Variants in BMPR1A observed in about 807,000 individuals in gnomAD.
The protein encoded by BMPR1A is bone morphogenetic protein receptor type-1A.
In BMPR1A, 7 loss-of-function variants were observed where a neutral mutation model predicts 66.0. That is an observed-to-expected ratio of 0.11 (90% CI 0.06 to 0.20). BMPR1A has a LOEUF of 0.20. BMPR1A is among the 10% of genes least tolerant of loss of function. The pLI, the probability that BMPR1A is intolerant of heterozygous loss-of-function variation, is 1.00. For synonymous variants in BMPR1A, 200 were observed against 229.7 expected (o/e 0.87, Z 1.17); for missense variants, 408 against 669.1 (o/e 0.61, Z 4.31).
chr10:86,875,372 C>T (rs1842908220), intron 2 of BMPR1A, among the ~76,000 whole-genome samples: 1 of 151,726 alleles, frequency 6.6e-6, no homozygotes, highest in South Asian at 2.1e-4. Context: ...AACTCTGTCT[C>T]AAATAAAATA....
Position 86,921,576 on chromosome 10 carries a change from T to C in BMPR1A, c.1223T>C (p.Met408Thr). 1 of 1,614,172 alleles carries C rather than the reference T, an allele frequency of 6.2e-7. No individual in the cohort carries two copies. Among genetic ancestry groups the C allele is most frequent in the Non-Finnish European group, 8.5e-7 (1 of 1,180,020 alleles). ...ACCAGGGTGGGCACCAAACGCTACA[T>C]GGCTCCCGAAGTGCTGGACGAAAGC... ...LNTRVGTKRY[M>T]APEVLDESLN... Residue 408 changes from methionine to threonine, a missense_variant, in exon 11 of 13, where the codon ATG (methionine) becomes ACG (threonine). Coordinates refer to ENST00000372037, the MANE Select transcript of BMPR1A (RefSeq NM_004329.3).
At position 86,919,256 on chromosome 10, in the gene BMPR1A, A is replaced by C. The variant is rs587778111; in HGVS notation, c.953A>C (p.Tyr318Ser). ...GATTACCATGAAAATGGATCTCTCT[A>C]TGACTTCCTGAAATGTGCTACACTG... The part of the protein sequence containing the change: ...ITDYHENGSL[Y>S]DFLKCATLDT... The change falls in exon 10 of 13, where the codon TAT becomes TCT. Residue 318 changes from tyrosine (Y) to serine (S), a missense_variant. Transcript: ENST00000372037. The C allele has an allele frequency of 7.4e-6, 12 of 1,613,818 alleles. No individual in the cohort carries two copies. Among genetic ancestry groups the C allele is most frequent in the East Asian group, 2.2e-5 (1 of 44,896 alleles).
intron 3 of BMPR1A, among the ~76,000 whole-genome samples, chr10:86,888,476 A>G (rs1843100593): frequency 2.6e-5 from 4 of 152,142 alleles, no homozygotes; most frequent in Admixed American, 2.6e-4. Context: ...TCAAATAAAA[A>G]TGTTCTCTAT....
rs2133594465 is a variant in BMPR1A at position 86,919,477 on chromosome 10, G to C, written c.1166+8G>C. On this transcript the variant is annotated splice_region_variant and intron_variant, in intron 10 of 12. Transcript: ENST00000372037. ...TGCTGTTAAATTCAACAGGTGAGTG[G>C]TTCTTTGCCCCACTGTTTTGAAATT... is the stretch of plus-strand genomic sequence containing the variant. 2 of 1,613,194 alleles carry C rather than the reference G, an allele frequency of 1.2e-6. No individual in the cohort carries two copies. The highest frequency in any genetic ancestry group is 1.7e-6 in the Non-Finnish European group (2 of 1,179,694).
intron 2 of BMPR1A, among the ~76,000 whole-genome samples, chr10:86,858,114 A>G (rs971697753): frequency 3.3e-5 from 5 of 152,074 alleles, no homozygotes; most frequent in Non-Finnish European, 5.9e-5. Flanking sequence ...AATTAGTATT[A>G]ATTTATTAAT....
chr10:86,823,495 T>C (rs995150461), intron 1 of BMPR1A, among the ~76,000 whole-genome samples: 1 of 152,234 alleles, frequency 6.6e-6, no homozygotes, highest in African/African-American at 2.4e-5. Context: ...CTCTTTCTTA[T>C]CTTTATGTTC....
At chr10:86,811,495 A>G (rs951188287) in intron 1 of BMPR1A, among the ~76,000 whole-genome samples, 5 of 152,100 alleles carry the variant, frequency 3.3e-5, no homozygotes, top group African/African-American at 1.2e-4. Flanking sequence ...AATTTTGCCT[A>G]TTTGACCTGT....
At chr10:86,916,425 C>T (rs1355002061) in intron 8 of BMPR1A, among the ~76,000 whole-genome samples, 2 of 152,180 alleles carry the variant, frequency 1.3e-5, no homozygotes. Context: ...TTCATGCTGC[C>T]ATTATTTTTT....
At chr10:86,787,383 T>C (rs1346880722) in intron 1 of BMPR1A, among the ~76,000 whole-genome samples, 8 of 152,194 alleles carry the variant, frequency 5.3e-5, no homozygotes, top group Admixed American at 5.2e-4. Flanking sequence ...GTATGAAATA[T>C]ATGACCAAAC....
chr10:86,790,936 G>A (rs1453295473), intron 1 of BMPR1A, among the ~76,000 whole-genome samples: 3 of 152,146 alleles, frequency 2.0e-5, no homozygotes, highest in Non-Finnish European at 4.4e-5. Context: ...CCAAATATTG[G>A]TTTTAGTGTT....
At chr10:86,923,199 G>A (rs1026448657) in intron 11 of BMPR1A, among the ~76,000 whole-genome samples, 177 bp from the exon 12 acceptor site, 15 of 152,142 alleles carry the variant, frequency 9.9e-5, no homozygotes, top group African/African-American at 3.6e-4. Context: ...AGAGGAAATA[G>A]TTGGACATAA....
At chr10:86,873,812 G>A (rs938458934) in intron 2 of BMPR1A, among the ~76,000 whole-genome samples, 2 of 152,176 alleles carry the variant, frequency 1.3e-5, no homozygotes, top group Non-Finnish European at 2.9e-5. Flanking sequence ...TTATTCTATA[G>A]TTATTTTAGA....
At chr10:86,902,530 T>C (rs1376379098) in intron 7 of BMPR1A, among the ~76,000 whole-genome samples, 1 of 152,198 alleles carries the variant, frequency 6.6e-6, no homozygotes, top group Non-Finnish European at 1.5e-5. Context: ...AGGAAATCTG[T>C]TCAGCCCAAG....
intron 2 of BMPR1A, among the ~76,000 whole-genome samples, chr10:86,860,739 C>T (rs1223822384): frequency 2.1e-5 from 3 of 141,728 alleles, no homozygotes; most frequent in African/African-American, 5.3e-5. Context: ...CATTGCACTA[C>T]AGCCTGGGCA....
chr10:86,874,620 G>T (rs1336013030), intron 2 of BMPR1A, among the ~76,000 whole-genome samples: 1 of 151,468 alleles, frequency 6.6e-6, no homozygotes, highest in Admixed American at 6.6e-5. Context: ...TGTTAGCCTG[G>T]ATGGTCTCGA....
chr10:86,919,896 TG>T (rs1194023203), intron 10 of BMPR1A, among the ~76,000 whole-genome samples: 1 of 152,040 alleles, frequency 6.6e-6, no homozygotes, highest in Non-Finnish European at 1.5e-5. Context: ...TTTGCGGAGA[TG>T]GGGTCTCACT....
intron 1 of BMPR1A, among the ~76,000 whole-genome samples, chr10:86,782,649 G>A: frequency 6.6e-6 from 1 of 151,690 alleles, no homozygotes; most frequent in East Asian, 1.9e-4. Flanking sequence ...TATCTTCTTT[G>A]TAAAAATGTC....
chr10:86,775,648 T>G (rs752246662), intron 1 of BMPR1A, among the ~76,000 whole-genome samples: 22 of 152,238 alleles, frequency 1.4e-4, no homozygotes, highest in Non-Finnish European at 2.9e-4. Context: ...GAAAAGGCAT[T>G]CCTCTAAAAA....
chr10:86,900,527 A>G (rs1396233219), intron 7 of BMPR1A, among the ~76,000 whole-genome samples: 1 of 152,138 alleles, frequency 6.6e-6, no homozygotes, highest in East Asian at 1.9e-4. Flanking sequence ...AAGAAGAGTA[A>G]TAAGAGACAG....
Sources: allele counts gnomAD v4.1 joint callset (sites outside exome capture counted in the v4.1 genomes callset), GRCh38; gene constraint gnomAD v4.1.1; transcripts MANE v1.5; gene names NCBI Gene and HGNC (gene_info 2026-07-23, HGNC 2026-07-21).